The following EVI5 variants were observed in gnomAD, a reference collection of about 807,000 sequenced individuals.
EVI5 encodes ecotropic viral integration site 5.
In EVI5, 73 loss-of-function variants were observed where a neutral mutation model predicts 112.0. The observed-to-expected ratio is 0.65, with a 90% CI of 0.54 to 0.79. EVI5 has a LOEUF of 0.79. Ranked by LOEUF, EVI5 falls within the 30% of genes least tolerant of loss-of-function variation. EVI5 has a pLI of 0.00. For missense variants in EVI5, 900 were observed against 968.8 expected (o/e 0.93, Z 0.94); for synonymous variants, 305 against 319.9 (o/e 0.95, Z 0.50).
At chr1:92,690,721 C>T (rs1669359439) in intron 9 of EVI5, among the ~76,000 whole-genome samples, 1 of 152,066 alleles carries the variant, frequency 6.6e-6, no homozygotes, top group Admixed American at 6.6e-5. Context: ...TCTTACAATG[C>T]CAAAGTATCA....
At chr1:92,663,501 T>C in intron 11 of EVI5, 49 bp from the exon 12 acceptor site, 1 of 965,540 alleles carries the variant, frequency 1.0e-6, no homozygotes, top group Non-Finnish European at 1.5e-6. Context: ...GAAATAAAAG[T>C]GATAAAATTA....
intron 18 of EVI5, among the ~76,000 whole-genome samples, chr1:92,585,473 A>C (rs1672631663): frequency 6.6e-6 from 1 of 152,160 alleles, no homozygotes; most frequent in Non-Finnish European, 1.5e-5. Flanking sequence ...TGGGCAACAG[A>C]GCAAGACACT....
At chr1:92,561,267 G>A (rs2100869839) in intron 19 of EVI5, among the ~76,000 whole-genome samples, 1 of 151,872 alleles carries the variant, frequency 6.6e-6, no homozygotes. Context: ...TTATTTTGTA[G>A]CAGTTGCAAA....
intron 2 of EVI5, among the ~76,000 whole-genome samples, chr1:92,709,713 G>C (rs1245452719): frequency 6.6e-6 from 1 of 152,102 alleles, no homozygotes; most frequent in Non-Finnish European, 1.5e-5. Context: ...GTGAACTATA[G>C]CATGTATTTT....
At chr1:92,658,327 C>T (rs1312615300) in intron 13 of EVI5, among the ~76,000 whole-genome samples, 2 of 152,048 alleles carry the variant, frequency 1.3e-5, no homozygotes, top group African/African-American at 2.4e-5. Context: ...GATCTTATAC[C>T]TAGAAAACCC....
At chr1:92,756,692 G>T in intron 1 of EVI5, 1 of 497,118 alleles carries the variant, frequency 2.0e-6, no homozygotes, top group South Asian at 1.6e-5. Context: ...CAGTCACATA[G>T]ACCTCACCGC....
At chr1:92,671,488 C>T (rs1027365119) in intron 10 of EVI5, among the ~76,000 whole-genome samples, 2 of 152,142 alleles carry the variant, frequency 1.3e-5, no homozygotes, top group Admixed American at 6.5e-5. Flanking sequence ...ACTATGACCC[C>T]GCCAATAACT....
intron 19 of EVI5, among the ~76,000 whole-genome samples, chr1:92,545,049 G>T (rs574729424): frequency 2.6e-5 from 4 of 152,086 alleles, no homozygotes; most frequent in Non-Finnish European, 5.9e-5. Context: ...TTCATAAGAA[G>T]CACATGATTT....
intron 2 of EVI5, chr1:92,732,194 T>C (rs933831757): frequency 9.7e-6 from 2 of 206,366 alleles, no homozygotes; most frequent in Admixed American, 6.1e-5. Flanking sequence ...ATTTTACCCA[T>C]GCTCATTCAA....
chr1:92,688,305 C>T (rs1477934589), intron 9 of EVI5, among the ~76,000 whole-genome samples: 1 of 152,104 alleles, frequency 6.6e-6, no homozygotes, highest in Non-Finnish European at 1.5e-5. Context: ...ACACCGCATG[C>T]TCTCACTCAT....
In EVI5 at chr1:92,720,130, C is replaced by T. The variant is rs555053791; in HGVS notation, c.150-15386G>A. Among the ~76,000 whole-genome samples, 20 of 152,120 alleles carry T rather than the reference C, an allele frequency of 1.3e-4. No individual in the cohort carries two copies. The South Asian group carries it at 3.9e-3, about 30-fold the overall frequency. On this transcript the variant is annotated intron_variant, in intron 2 of 19. Transcript: ENST00000684568. ...GTAATTTATAGATTCAATGCTATCC[C>T]CATGAAGCTACAATTGACTTTCTTC...
intron 19 of EVI5, among the ~76,000 whole-genome samples, chr1:92,549,758 T>C (rs1055030073): frequency 6.6e-6 from 1 of 152,198 alleles, no homozygotes; most frequent in African/African-American, 2.4e-5. Context: ...ATGCTCATCA[T>C]CACTGGTCAT....
intron 5 of EVI5, among the ~76,000 whole-genome samples, chr1:92,700,334 G>C (rs1402938859): frequency 6.6e-6 from 1 of 152,086 alleles, no homozygotes. Flanking sequence ...TACTAATTTT[G>C]CAAATTTTAT....
chr1:92,740,743 A>T (rs1006080629), intron 1 of EVI5, among the ~76,000 whole-genome samples: 1 of 152,246 alleles, frequency 6.6e-6, no homozygotes, highest in African/African-American at 2.4e-5. Flanking sequence ...GACTGCTATA[A>T]TTAAAGATAG....
At position 92,509,395 on chromosome 1, in the gene EVI5, T is replaced by G. The variant is rs554846304; in HGVS notation, c.*4261A>C. 23 of 152,858 alleles carry G rather than the reference T, an allele frequency of 1.5e-4. No individual in the cohort carries two copies. Among genetic ancestry groups the G allele is most frequent in the African/African-American group, 5.1e-4 (21 of 41,470 alleles). The allele number at this position is 152,858 out of a possible 1,614,324, so 9.5% of individuals were successfully genotyped here. A position where few individuals can be genotyped will look rare whatever the true frequency, so the allele number is the denominator to read the frequency against. Reference sequence around the variant, plus strand: ...GTCATCTCAGCAAACACTGAATACCTAGTATCTAGCCAAAAAACAAACAAA... The same window carrying G: ...GTCATCTCAGCAAACACTGAATACCGAGTATCTAGCCAAAAAACAAACAAA... On this transcript the variant is annotated 3_prime_UTR_variant, in exon 20 of 20. Coordinates refer to ENST00000684568, the MANE Select transcript of EVI5 (RefSeq NM_001350197.2).
chr1:92,531,173 GAAGA>G (rs1438286109), intron 19 of EVI5, among the ~76,000 whole-genome samples: 1 of 151,850 alleles, frequency 6.6e-6, no homozygotes, highest in Non-Finnish European at 1.5e-5. Flanking sequence ...AGATCAAGCA[GAAGA>G]AAGGATATCA....
At chr1:92,707,172 T>A (rs1468072601) in intron 2 of EVI5, among the ~76,000 whole-genome samples, 4 of 103,086 alleles carry the variant, frequency 3.9e-5, no homozygotes, top group Non-Finnish European at 5.4e-5. Context: ...AGAGCGAAAC[T>A]CTGTCTCAAA....
intron 19 of EVI5, among the ~76,000 whole-genome samples, chr1:92,517,078 G>C (rs10518528): frequency 6.6e-6 from 1 of 152,068 alleles, no homozygotes; most frequent in African/African-American, 2.4e-5. Context: ...TTTTTTACAC[G>C]CATTCAGGAA....
At chr1:92,544,072 CAGAAA>C (rs1302656277) in intron 19 of EVI5, among the ~76,000 whole-genome samples, 9 of 152,292 alleles carry the variant, frequency 5.9e-5, no homozygotes, top group Admixed American at 5.9e-4. Context: ...AAGCCAGTCA[CAGAAA>C]ACCACAGGTT....
Sources: gnomAD v4.1 joint callset for allele counts (sites outside exome capture counted in the v4.1 genomes callset) on GRCh38, gnomAD v4.1.1 for gene constraint, MANE v1.5 for transcripts, NCBI Gene and HGNC (gene_info 2026-07-23, HGNC 2026-07-21) for gene names.